Variants in CCDC102B observed in about 807,000 individuals in gnomAD.
CCDC102B encodes the protein coiled-coil domain containing 102B, also known as coiled-coil domain-containing protein 102B.
Under a neutral mutation model 57.4 loss-of-function variants are expected in CCDC102B, and 75 were observed. The ratio of observed to expected loss-of-function variants is 1.31; its 90% CI spans 1.08 to 1.58. The LOEUF is 1.58. Among genes scored for constraint, CCDC102B ranks in the 40% most tolerant of loss-of-function variants. The pLI, the probability that CCDC102B is intolerant of heterozygous loss-of-function variation, is 0.00. For synonymous variants in CCDC102B, 206 were observed against 201.9 expected (o/e 1.02, Z -0.17); for missense variants, 636 against 582.6 (o/e 1.09, Z -0.94).
intron 4 of CCDC102B, among the ~76,000 whole-genome samples, 194 bp from the exon 5 acceptor site, chr18:68,874,475 G>T (rs1473333109): frequency 2.0e-5 from 3 of 151,498 alleles, no homozygotes; most frequent in African/African-American, 7.3e-5. Context: ...TTTTTTACAG[G>T]TTAGCATTTT....
intron 6 of CCDC102B, among the ~76,000 whole-genome samples, chr18:68,967,584 C>G (rs1169041007): frequency 1.3e-5 from 2 of 152,068 alleles, no homozygotes; most frequent in East Asian, 3.9e-4. Context: ...GTATTACATA[C>G]TATCTTAGGT....
chr18:69,030,987 A>G (rs1430612572), intron 7 of CCDC102B, among the ~76,000 whole-genome samples: 1 of 152,166 alleles, frequency 6.6e-6, no homozygotes, highest in Non-Finnish European at 1.5e-5. Flanking sequence ...TTCTGTTTCA[A>G]TTTAATTCCA....
At chr18:68,872,243 C>T (rs978169677) in intron 4 of CCDC102B, among the ~76,000 whole-genome samples, 1 of 152,050 alleles carries the variant, frequency 6.6e-6, no homozygotes, top group Non-Finnish European at 1.5e-5. Context: ...ATTCAAAGTT[C>T]AGTGGAGAAC....
intron 6 of CCDC102B, among the ~76,000 whole-genome samples, chr18:68,898,676 C>G (rs1178780865): frequency 6.6e-6 from 1 of 152,012 alleles, no homozygotes; most frequent in East Asian, 1.9e-4. Flanking sequence ...AGTCACTGTT[C>G]TATATGCAGG....
At chr18:68,880,597 TACA>T (rs2039659611) in intron 5 of CCDC102B, among the ~76,000 whole-genome samples, 1 of 152,234 alleles carries the variant, frequency 6.6e-6, no homozygotes, top group South Asian at 2.1e-4. Flanking sequence ...CCCATTTTCA[TACA>T]ACAACTCTAC....
intron 6 of CCDC102B, among the ~76,000 whole-genome samples, chr18:68,996,110 T>A (rs1251165855): frequency 6.6e-6 from 1 of 152,176 alleles, no homozygotes; most frequent in African/African-American, 2.4e-5. Context: ...TGTGAGGGTG[T>A]TGCCAAAGGA....
intron 7 of CCDC102B, 142 bp from the exon 8 acceptor site, chr18:69,053,888 C>T (rs1231975045): frequency 3.5e-5 from 21 of 606,482 alleles, no homozygotes; most frequent in African/African-American, 3.9e-5. Context: ...ATTTCAAATA[C>T]TTATAGTTTT....
At chr18:68,961,618 T>C (rs956499050) in intron 6 of CCDC102B, among the ~76,000 whole-genome samples, 1 of 152,040 alleles carries the variant, frequency 6.6e-6, no homozygotes, top group African/African-American at 2.4e-5. Flanking sequence ...ACCTATAAAA[T>C]GTCATGGTAT....
At position 68,836,710 on chromosome 18, in the gene CCDC102B, A is replaced by ATT. The variant is rs1359220435; in HGVS notation, c.-15-39_-15-38insTT. 3 of 1,518,586 alleles carry ATT rather than the reference A, an allele frequency of 2.0e-6. No homozygotes were observed. The African/African-American group carries it at 4.2e-5, about 21-fold the overall frequency. The allele number at this position is 1,518,586 out of a possible 1,614,324, so 94.1% of individuals were successfully genotyped here. A position where few individuals can be genotyped will look rare whatever the true frequency, so the allele number is the denominator to read the frequency against. ...GGTCTTGTTCCTGTATTTACAAGGG[A>ATT]AATTTCAGCGTGAAATTATGGTCTC... On this transcript the variant is annotated intron_variant, in intron 1 of 7. Coordinates refer to ENST00000360242, the MANE Select transcript of CCDC102B (RefSeq NM_024781.3).
chr18:68,886,174 C>A (rs2039877187), intron 5 of CCDC102B, among the ~76,000 whole-genome samples: 1 of 151,758 alleles, frequency 6.6e-6, no homozygotes, highest in Admixed American at 6.6e-5. Flanking sequence ...AGTGAATTAA[C>A]AAAGGCAAAC....
intron 6 of CCDC102B, among the ~76,000 whole-genome samples, chr18:68,984,089 G>A (rs886580317): frequency 1.3e-5 from 2 of 151,366 alleles, no homozygotes; most frequent in Non-Finnish European, 2.9e-5. Flanking sequence ...ACATTTTAAT[G>A]TACATTATCT....
intron 2 of CCDC102B, among the ~76,000 whole-genome samples, chr18:68,765,332 A>G (rs916248574): frequency 1.1e-4 from 10 of 91,508 alleles, no homozygotes; most frequent in African/African-American, 1.5e-4. Flanking sequence ...AAGGAAAGAA[A>G]GAAAGAAAGA....
At chr18:68,816,068 T>G (rs1228073035) in intron 1 of CCDC102B, among the ~76,000 whole-genome samples, 1 of 152,206 alleles carries the variant, frequency 6.6e-6, no homozygotes, top group Non-Finnish European at 1.5e-5. Context: ...CTTTTTATTG[T>G]CCAAAGGAGA....
At chr18:68,720,585 T>C (rs576026500) in intron 2 of CCDC102B, among the ~76,000 whole-genome samples, 1 of 152,324 alleles carries the variant, frequency 6.6e-6, no homozygotes, top group Non-Finnish European at 1.5e-5. Flanking sequence ...GCTAGACGCT[T>C]TCACATGGAA....
intron 6 of CCDC102B, among the ~76,000 whole-genome samples, chr18:68,927,213 T>A (rs1030765512): frequency 2.8e-4 from 42 of 152,090 alleles, no homozygotes; most frequent in Middle Eastern, 3.4e-3. Flanking sequence ...CTCATTAAGT[T>A]CCAGAATTTT....
chr18:69,019,351 C>A (rs1434195933), intron 7 of CCDC102B, among the ~76,000 whole-genome samples: 4 of 151,876 alleles, frequency 2.6e-5, no homozygotes, highest in African/African-American at 9.7e-5. Flanking sequence ...CATGAGCTAT[C>A]TTTCTATTTA....
chr18:68,862,733 G>A (rs2038814768), intron 4 of CCDC102B, among the ~76,000 whole-genome samples: 1 of 152,012 alleles, frequency 6.6e-6, no homozygotes, highest in Admixed American at 6.6e-5. Context: ...TCTTTATGCT[G>A]GGCTACTCTC....
intron 6 of CCDC102B, among the ~76,000 whole-genome samples, chr18:68,974,578 AATC>A (rs2050385208): frequency 6.6e-6 from 1 of 151,962 alleles, no homozygotes; most frequent in Admixed American, 6.6e-5. Context: ...CAAATTCCTT[AATC>A]ATATAATGAC....
intron 2 of CCDC102B, among the ~76,000 whole-genome samples, chr18:68,762,108 C>T (rs2034273532): frequency 6.6e-6 from 1 of 152,102 alleles, no homozygotes; most frequent in Admixed American, 6.6e-5. Flanking sequence ...TTGTTACGCA[C>T]AGTCAACCAT....
Sources: allele counts gnomAD v4.1 joint callset (sites outside exome capture counted in the v4.1 genomes callset), GRCh38; gene constraint gnomAD v4.1.1; transcripts MANE v1.5; gene names NCBI Gene and HGNC (gene_info 2026-07-23, HGNC 2026-07-21).